The following FBXL13 variants were observed in gnomAD, a reference collection of about 807,000 sequenced individuals.
FBXL13 encodes the protein F-box and leucine rich repeat protein 13, also known as F-box and leucine-rich repeat protein 13.
Under a neutral mutation model 83.6 loss-of-function variants are expected in FBXL13, and 67 were observed. The observed-to-expected ratio is 0.80, with a 90% CI of 0.66 to 0.98. FBXL13 has a LOEUF of 0.98. Among genes scored for constraint, FBXL13 ranks in the 50% least tolerant of loss-of-function variants. FBXL13 has a pLI of 0.00. For missense variants in FBXL13, 822 were observed against 866.5 expected (o/e 0.95, Z 0.64); for synonymous variants, 272 against 299.5 (o/e 0.91, Z 0.95).
At chr7:103,051,268 GCTTA>G (rs1796782973) in intron 2 of FBXL13, among the ~76,000 whole-genome samples, 1 of 151,622 alleles carries the variant, frequency 6.6e-6, no homozygotes, top group Admixed American at 6.6e-5. Context: ...CAATATTACT[GCTTA>G]CTATCAGTTC....
intron 7 of FBXL13, among the ~76,000 whole-genome samples, chr7:102,965,849 C>T (rs1306956181): frequency 4.6e-5 from 7 of 152,258 alleles, no homozygotes; most frequent in Admixed American, 6.5e-5. Flanking sequence ...CAACATTTTC[C>T]GTGTTGTCTA....
chr7:103,002,510 C>A (rs1384913921), intron 6 of FBXL13, among the ~76,000 whole-genome samples: 1 of 152,168 alleles, frequency 6.6e-6, no homozygotes, highest in African/African-American at 2.4e-5. Context: ...GAGTTCTATA[C>A]CTTCAACTGT....
At chr7:102,824,852 G>GGCA (rs1799359773) in intron 18 of FBXL13, among the ~76,000 whole-genome samples, 1 of 148,892 alleles carries the variant, frequency 6.7e-6, no homozygotes, top group South Asian at 2.1e-4. Flanking sequence ...TGGAACTCCT[G>GGCA]GGCTCAAGCT....
At chr7:103,061,812 C>A (rs1449321422) in intron 1 of FBXL13, among the ~76,000 whole-genome samples, 1 of 151,792 alleles carries the variant, frequency 6.6e-6, no homozygotes, top group Non-Finnish European at 1.5e-5. Context: ...GTGGCAGGCG[C>A]CGGTAGTCCC....
chr7:103,034,965 A>C (rs1435536208), intron 2 of FBXL13, among the ~76,000 whole-genome samples: 1 of 152,250 alleles, frequency 6.6e-6, no homozygotes, highest in African/African-American at 2.4e-5. Context: ...TGGGAAAACG[A>C]ATTAAAAGTT....
At chr7:102,971,541 C>T (rs1042670314) in intron 6 of FBXL13, among the ~76,000 whole-genome samples, 1 of 148,264 alleles carries the variant, frequency 6.7e-6, no homozygotes, top group African/African-American at 2.5e-5. Context: ...TGGCGGTGAG[C>T]CAAGATTGTG....
At chr7:103,013,043 AAAG>A (rs1791825970) in intron 6 of FBXL13, among the ~76,000 whole-genome samples, 2 of 152,258 alleles carry the variant, frequency 1.3e-5, no homozygotes, top group Non-Finnish European at 2.9e-5. Context: ...AAGAAAAGAT[AAAG>A]AAGGGCATTA....
intron 1 of FBXL13, among the ~76,000 whole-genome samples, chr7:103,065,847 G>A (rs1318191205): frequency 6.6e-6 from 1 of 152,240 alleles, no homozygotes; most frequent in African/African-American, 2.4e-5. Context: ...GCTCACACTA[G>A]TGAGCAGACG....
At chr7:102,885,197 A>G (rs1048595100) in intron 11 of FBXL13, among the ~76,000 whole-genome samples, 1 of 152,172 alleles carries the variant, frequency 6.6e-6, no homozygotes, top group South Asian at 2.1e-4. Context: ...ATTTTTAAGA[A>G]CCACCAAAAT....
chr7:102,833,376 G>A (rs1304212384), intron 17 of FBXL13, among the ~76,000 whole-genome samples: 3 of 150,894 alleles, frequency 2.0e-5, no homozygotes, highest in African/African-American at 4.9e-5. Context: ...TTTTGCTTTC[G>A]TTTCCACCAT....
intron 17 of FBXL13, among the ~76,000 whole-genome samples, chr7:102,841,995 C>G (rs551814834): frequency 6.6e-6 from 1 of 152,280 alleles, no homozygotes; most frequent in African/African-American, 2.4e-5. Context: ...CTCCCAATAC[C>G]CTGTAAAACA....
intron 10 of FBXL13, among the ~76,000 whole-genome samples, chr7:102,922,045 CAG>C (rs1423359128): frequency 7.2e-5 from 11 of 152,052 alleles, no homozygotes; most frequent in Admixed American, 2.0e-4. Flanking sequence ...CAAAAATCAG[CAG>C]AGTGTGGTGG....
At chr7:102,834,097 A>G (rs1190757696) in intron 17 of FBXL13, among the ~76,000 whole-genome samples, 2,173 of 97,948 alleles carry the variant, frequency 0.022, 58 homozygotes, top group Non-Finnish European at 0.024. Flanking sequence ...AAAGAAAGAA[A>G]GAAAGAAAGA....
Position 102,934,455 on chromosome 7 carries a change from C to T in FBXL13, c.725-2522G>A. ...ACGCTTATTTCAATGTTGCAGATTC[C>T]CAGGAACCGGAATTTGGGGAACTAC... On this transcript the variant is annotated intron_variant, in intron 8 of 19. Transcript: ENST00000313221. 4 of 1,614,126 alleles carry T rather than the reference C, an allele frequency of 2.5e-6. No homozygotes were observed. Among genetic ancestry groups the T allele is most frequent in the Non-Finnish European group, 3.4e-6 (4 of 1,180,016 alleles).
Position 103,022,310 on chromosome 7 carries a change from C to G in FBXL13, c.495+2753G>C, listed in dbSNP as rs187077708. Among the ~76,000 whole-genome samples the G allele has an allele frequency of 4.7e-3, 701 of 150,104 alleles. 9 individuals are homozygous for G. Among genetic ancestry groups the G allele is most frequent in the African/African-American group, 0.016 (646 of 40,630 alleles). The stretch of plus-strand genomic sequence containing the variant: ...ACACATGGACACAGGATGGGGAACA[C>G]CACACACCAGGGCCTGTAGTGGGGT... On this transcript the variant is annotated intron_variant, in intron 6 of 19. Transcript: ENST00000313221.
At chr7:102,834,386 A>G (rs998620222) in intron 17 of FBXL13, among the ~76,000 whole-genome samples, 3 of 147,198 alleles carry the variant, frequency 2.0e-5, no homozygotes, top group Non-Finnish European at 4.5e-5. Context: ...TAAATTATAT[A>G]TATATATATT....
At chr7:102,994,327 AAGGAC>A (rs935435882) in intron 6 of FBXL13, among the ~76,000 whole-genome samples, 4 of 151,870 alleles carry the variant, frequency 2.6e-5, no homozygotes, top group African/African-American at 4.8e-5. Flanking sequence ...TTGTTTTTTT[AAGGAC>A]AGGACAACTA....
chr7:102,960,084 C>T (rs77534694), intron 8 of FBXL13, among the ~76,000 whole-genome samples: 10,671 of 152,024 alleles, frequency 0.07, 434 homozygotes, highest in South Asian at 0.14. Flanking sequence ...GATGGTTTTA[C>T]TGTCTATTGT....
chr7:102,914,317 C>T (rs1211890643), intron 10 of FBXL13, among the ~76,000 whole-genome samples: 1 of 152,236 alleles, frequency 6.6e-6, no homozygotes, highest in Non-Finnish European at 1.5e-5. Flanking sequence ...AGGTGATCCA[C>T]CCGCCTTGGC....
Sources: allele counts gnomAD v4.1 joint callset (sites outside exome capture counted in the v4.1 genomes callset), GRCh38; gene constraint gnomAD v4.1.1; transcripts MANE v1.5; gene names NCBI Gene and HGNC (gene_info 2026-07-23, HGNC 2026-07-21).